FRMD4A: variants seen among roughly 807,000 people sequenced by gnomAD.
The protein encoded by FRMD4A is FERM domain containing 4A, also known as FERM domain-containing protein 4A.
In FRMD4A, 29 loss-of-function variants were observed where a neutral mutation model predicts 129.1. The observed-to-expected ratio is 0.22, with a 90% CI of 0.17 to 0.31. FRMD4A has a LOEUF of 0.31. Among genes scored for constraint, FRMD4A ranks in the 10% least tolerant of loss-of-function variants. FRMD4A has a pLI of 1.00. For missense variants in FRMD4A, 1,272 were observed against 1,375.8 expected (o/e 0.92, Z 1.19); for synonymous variants, 634 against 571.6 (o/e 1.11, Z -1.56).
intron 15 of FRMD4A, chr10:13,684,855 C>T (rs1398296990): frequency 1.0e-6 from 1 of 977,708 alleles, no homozygotes; most frequent in Non-Finnish European, 1.2e-6. Context: ...GACAATCCGT[C>T]TCTTTAGACC....
chr10:13,952,575 C>A (rs996867783), intron 2 of FRMD4A, among the ~76,000 whole-genome samples: 3 of 152,156 alleles, frequency 2.0e-5, no homozygotes, highest in Admixed American at 6.5e-5. Flanking sequence ...GTAATTCCTA[C>A]CCCAAAATAA....
At chr10:13,775,327 C>T (rs2092569726) in intron 6 of FRMD4A, among the ~76,000 whole-genome samples, 1 of 152,202 alleles carries the variant, frequency 6.6e-6, no homozygotes. Context: ...AAAGGAGTTC[C>T]CAAAGGATCC....
intron 2 of FRMD4A, among the ~76,000 whole-genome samples, chr10:13,903,779 A>T (rs2094848850): frequency 6.6e-6 from 1 of 152,038 alleles, no homozygotes; most frequent in South Asian, 2.1e-4. Context: ...GCTACCCTAG[A>T]GGCAGAAGTG....
chr10:14,015,966 C>T (rs1044160985), intron 2 of FRMD4A, among the ~76,000 whole-genome samples: 2 of 152,236 alleles, frequency 1.3e-5, no homozygotes, highest in African/African-American at 4.8e-5. Flanking sequence ...CCGCCTCCCT[C>T]TTCTGTGTCA....
chr10:13,682,497 C>CTTTTTTTT (rs1170963559), intron 15 of FRMD4A, among the ~76,000 whole-genome samples: 24 of 55,792 alleles, frequency 4.3e-4, no homozygotes, highest in South Asian at 1.0e-3. Context: ...TTCTTTCTTT[C>CTTTTTTTT]TTTTTTTTTT....
intron 6 of FRMD4A, among the ~76,000 whole-genome samples, chr10:13,771,811 G>A (rs1443926254): frequency 1.3e-5 from 2 of 152,036 alleles, no homozygotes; most frequent in Non-Finnish European, 2.9e-5. Context: ...TGGGTGCGGT[G>A]GCTCACGCCT....
intron 2 of FRMD4A, among the ~76,000 whole-genome samples, chr10:14,182,426 A>C (rs1177891407): frequency 1.3e-5 from 2 of 152,228 alleles, no homozygotes; most frequent in African/African-American, 4.8e-5. Flanking sequence ...ACATGCCTAT[A>C]GTTTCAGCTA....
chr10:14,050,386 C>G (rs1451830628), intron 2 of FRMD4A, among the ~76,000 whole-genome samples: 1 of 152,154 alleles, frequency 6.6e-6, no homozygotes, highest in African/African-American at 2.4e-5. Flanking sequence ...AAGTGATGCT[C>G]TGGTTATTGT....
intron 2 of FRMD4A, among the ~76,000 whole-genome samples, chr10:14,151,027 A>G (rs1840313058): frequency 6.6e-6 from 1 of 152,180 alleles, no homozygotes; most frequent in Non-Finnish European, 1.5e-5. Context: ...AGAGTCTAAG[A>G]TTGAGGTTAT....
intron 2 of FRMD4A, among the ~76,000 whole-genome samples, chr10:13,877,924 C>A (rs1373504891): frequency 6.6e-6 from 1 of 152,058 alleles, no homozygotes; most frequent in Non-Finnish European, 1.5e-5. Flanking sequence ...GAAGGTCAGG[C>A]CTGAGAGGGG....
chr10:13,673,113 C>G (rs574454424), intron 16 of FRMD4A, among the ~76,000 whole-genome samples: 1 of 152,076 alleles, frequency 6.6e-6, no homozygotes, highest in African/African-American at 2.4e-5. Context: ...TTATTAAAAA[C>G]AAAACAAGGC....
rs144981899 is a variant in FRMD4A, at chr10:13,803,892, G to T, written c.206+6922C>A. Among the ~76,000 whole-genome samples the T allele has an allele frequency of 3.0e-4, 45 of 152,316 alleles. No homozygotes were observed. The East Asian group carries it at 8.3e-3, about 28-fold the overall frequency. ...CCTAAGCAAACAGTCTCCATATTAA[G>T]AATTCACTCCGCTCACCTGTGCCAG... On this transcript the variant is annotated intron_variant, in intron 4 of 24. Transcript: ENST00000357447.
intron 2 of FRMD4A, among the ~76,000 whole-genome samples, chr10:14,088,365 T>C (rs1836420654): frequency 6.6e-6 from 1 of 151,132 alleles, no homozygotes; most frequent in African/African-American, 2.4e-5. Context: ...GAGGACTGCC[T>C]GAGCGTGGGC....
intron 3 of FRMD4A, among the ~76,000 whole-genome samples, chr10:13,828,829 G>C (rs931357510): frequency 1.3e-5 from 2 of 152,128 alleles, no homozygotes; most frequent in African/African-American, 4.8e-5. Flanking sequence ...ACTGCACCAG[G>C]CCACCACGTT....
At chr10:13,796,841 T>C (rs1588769181) in intron 4 of FRMD4A, among the ~76,000 whole-genome samples, 1 of 152,138 alleles carries the variant, frequency 6.6e-6, no homozygotes, top group South Asian at 2.1e-4. Flanking sequence ...TGCCTCAGCC[T>C]CCTGAGTAGC....
chr10:14,016,334 A>T (rs900334050), intron 2 of FRMD4A, among the ~76,000 whole-genome samples: 1 of 152,134 alleles, frequency 6.6e-6, no homozygotes, highest in African/African-American at 2.4e-5. Flanking sequence ...CTGAACACCT[A>T]CCCAACAGGA....
At chr10:13,655,982 A>G (rs1360556873) in intron 22 of FRMD4A, 1 of 152,098 alleles carries the variant, frequency 6.6e-6, no homozygotes, top group Non-Finnish European at 1.5e-5. Flanking sequence ...ATACCGCCCA[A>G]TGCTCTTGAG....
At chr10:14,136,501 C>A (rs185520829) in intron 2 of FRMD4A, among the ~76,000 whole-genome samples, 1 of 152,114 alleles carries the variant, frequency 6.6e-6, no homozygotes, top group African/African-American at 2.4e-5. Flanking sequence ...TGTAAAAATG[C>A]AGATTTACTG....
intron 15 of FRMD4A, chr10:13,685,178 T>G: frequency 1.0e-6 from 1 of 985,116 alleles, no homozygotes. Context: ...GGAGAACTTT[T>G]CATCAGGCTT....
Sources: gnomAD v4.1 joint callset for allele counts (sites outside exome capture counted in the v4.1 genomes callset) on GRCh38, gnomAD v4.1.1 for gene constraint, MANE v1.5 for transcripts, NCBI Gene and HGNC (gene_info 2026-07-23, HGNC 2026-07-21) for gene names.